DSCAM: variants seen among roughly 807,000 people sequenced by gnomAD.
DSCAM encodes the protein DS cell adhesion molecule.
In DSCAM, 47 loss-of-function variants were observed where a neutral mutation model predicts 217.7. That is an observed-to-expected ratio of 0.22 (90% CI 0.17 to 0.28). The LOEUF is 0.28. DSCAM is among the 10% of genes least tolerant of loss of function. The probability of loss-of-function intolerance (pLI) is 1.00; values close to 1 mark genes in which losing one functional copy is unlikely to be tolerated. For missense variants in DSCAM, 2,080 were observed against 2,618.3 expected (o/e 0.79, Z 4.49); for synonymous variants, 1,056 against 1,015.3 (o/e 1.04, Z -0.76).
At chr21:40,595,972 T>C (rs1051267695) in intron 3 of DSCAM, among the ~76,000 whole-genome samples, 1 of 152,208 alleles carries the variant, frequency 6.6e-6, no homozygotes, top group African/African-American at 2.4e-5. Flanking sequence ...TGTGAGTGCA[T>C]GTGCGTGTCT....
At chr21:40,608,302 T>A (rs190419393) in intron 3 of DSCAM, among the ~76,000 whole-genome samples, 1 of 152,226 alleles carries the variant, frequency 6.6e-6, no homozygotes, top group Admixed American at 6.5e-5. Context: ...TTTGAAAATA[T>A]ATTTGAAACT....
chr21:40,239,337 ATAAC>A (rs1171861331), intron 11 of DSCAM, among the ~76,000 whole-genome samples: 1 of 152,244 alleles, frequency 6.6e-6, no homozygotes, highest in African/African-American at 2.4e-5. Context: ...ATAATAACCT[ATAAC>A]AACATTGCTT....
At chr21:40,582,662 T>C (rs770620124) in intron 3 of DSCAM, among the ~76,000 whole-genome samples, 2 of 151,762 alleles carry the variant, frequency 1.3e-5, no homozygotes, top group African/African-American at 2.4e-5. Context: ...ACATATACTA[T>C]GTACATAAAG....
At chr21:40,081,999 G>A (rs146889718) in intron 24 of DSCAM, among the ~76,000 whole-genome samples, 210 of 152,266 alleles carry the variant, frequency 1.4e-3, no homozygotes, top group Non-Finnish European at 1.6e-3. Context: ...CCCATCCCTA[G>A]GTGCCCCCTA....
At chr21:40,750,419 T>C (rs182623524) in intron 1 of DSCAM, among the ~76,000 whole-genome samples, 1 of 152,356 alleles carries the variant, frequency 6.6e-6, no homozygotes, top group Admixed American at 6.5e-5. Flanking sequence ...TCTAAGTCTC[T>C]GTTGCTGGTT....
chr21:40,135,698 AC>A (rs2090200627), intron 18 of DSCAM, among the ~76,000 whole-genome samples: 1 of 152,230 alleles, frequency 6.6e-6, no homozygotes, highest in Non-Finnish European at 1.5e-5. Flanking sequence ...ATGAATAGCC[AC>A]GTATTTTGTG....
chr21:40,714,299 TA>T (rs1468060346), intron 1 of DSCAM, among the ~76,000 whole-genome samples: 5 of 152,046 alleles, frequency 3.3e-5, no homozygotes, highest in African/African-American at 1.2e-4. Context: ...ACTGTAGAGC[TA>T]CCAGCACATA....
intron 5 of DSCAM, among the ~76,000 whole-genome samples, chr21:40,352,801 G>A (rs557213436): frequency 2.7e-4 from 41 of 152,284 alleles, no homozygotes; most frequent in African/African-American, 9.9e-4. Flanking sequence ...ATTGAGGGTG[G>A]TTGAGTAGAT....
At chr21:40,438,092 C>A (rs148773350) in intron 3 of DSCAM, among the ~76,000 whole-genome samples, 1 of 152,286 alleles carries the variant, frequency 6.6e-6, no homozygotes, top group Non-Finnish European at 1.5e-5. Flanking sequence ...AGACCCAGGA[C>A]CAGGAGTCTG....
chr21:40,604,832 G>A (rs188384304), intron 3 of DSCAM, among the ~76,000 whole-genome samples: 4 of 152,294 alleles, frequency 2.6e-5, no homozygotes, highest in African/African-American at 4.8e-5. Context: ...CCTGGATTGT[G>A]ACTTTCAGAT....
At chr21:40,091,944 A>C (rs1270343789) in intron 21 of DSCAM, among the ~76,000 whole-genome samples, 1 of 152,108 alleles carries the variant, frequency 6.6e-6, no homozygotes, top group Non-Finnish European at 1.5e-5. Context: ...ACAATCCAAG[A>C]TGAGACTTGG....
chr21:40,020,443 G>C (rs1012757474), intron 32 of DSCAM, among the ~76,000 whole-genome samples: 2 of 152,124 alleles, frequency 1.3e-5, no homozygotes, highest in Non-Finnish European at 2.9e-5. Flanking sequence ...AAAACATGAA[G>C]CAGGGGAGGG....
intron 1 of DSCAM, among the ~76,000 whole-genome samples, chr21:40,782,815 A>G (rs974991640): frequency 1.3e-5 from 2 of 152,238 alleles, no homozygotes; most frequent in Non-Finnish European, 2.9e-5. Flanking sequence ...TATTAAATAA[A>G]TAAGTGTCAT....
chr21:40,321,713 G>T (rs1051465127), intron 8 of DSCAM, among the ~76,000 whole-genome samples: 1 of 148,296 alleles, frequency 6.7e-6, no homozygotes, highest in African/African-American at 2.5e-5. Context: ...ATTTACCTCT[G>T]CTCCAACACC....
At chr21:40,209,641 G>A (rs902513391) in intron 11 of DSCAM, among the ~76,000 whole-genome samples, 2 of 152,038 alleles carry the variant, frequency 1.3e-5, no homozygotes. Flanking sequence ...CCCTATTCCT[G>A]TCCCAGGCTC....
At chr21:40,037,648 C>T (rs2146463569) in intron 32 of DSCAM, among the ~76,000 whole-genome samples, 2 of 149,912 alleles carry the variant, frequency 1.3e-5, no homozygotes, top group South Asian at 2.1e-4. Context: ...CCTTTCTTCA[C>T]AGAATTGGAA....
In DSCAM at chr21:40,825,266, T is replaced by TTTCCTTCTTTCCTTCCTTCC. The variant is rs1251108584; in HGVS notation, c.43+21352_43+21353insGGAAGGAAGGAAAGAAGGAA. Reference sequence around the variant, plus strand: ...AGGTGTTCAGTGAACATTTTCTTTCTTTCCTTCCTTCCTTCCTTCCTTCCT... The same window carrying TTTCCTTCTTTCCTTCCTTCC: ...AGGTGTTCAGTGAACATTTTCTTTCTTTCCTTCTTTCCTTCCTTCCTTCCTTCCTTCCTTCCTTCCTTCCT... On this transcript the variant is annotated intron_variant, in intron 1 of 32. Coordinates refer to ENST00000400454, the MANE Select transcript of DSCAM (RefSeq NM_001389.5). Among the ~76,000 whole-genome samples, 246 of 140,060 alleles carry TTTCCTTCTTTCCTTCCTTCC rather than the reference T, an allele frequency of 1.8e-3. 1 individual carries two copies. In the East Asian group the frequency reaches 0.018, roughly 10 times the overall value. The allele number at this position is 140,060 out of a possible 152,430, so 91.9% of individuals were successfully genotyped here.
chr21:40,679,805 C>G, intron 3 of DSCAM, among the ~76,000 whole-genome samples: 1 of 152,064 alleles, frequency 6.6e-6, no homozygotes, highest in East Asian at 1.9e-4. Flanking sequence ...CATTCTAATG[C>G]TTTTATGTTG....
At chr21:40,584,917 A>G in intron 3 of DSCAM, among the ~76,000 whole-genome samples, 1 of 152,182 alleles carries the variant, frequency 6.6e-6, no homozygotes, top group Non-Finnish European at 1.5e-5. Context: ...GTGGATCCTT[A>G]TAAATGGCTT....
Sources: allele counts gnomAD v4.1 joint callset (sites outside exome capture counted in the v4.1 genomes callset), GRCh38; gene constraint gnomAD v4.1.1; transcripts MANE v1.5; gene names NCBI Gene and HGNC (gene_info 2026-07-23, HGNC 2026-07-21).